The following CPAP variants were observed in gnomAD, a reference collection of about 807,000 sequenced individuals.
The protein encoded by CPAP is centrosome assembly and centriole elongation protein, also known as centrosomal P4.1-associated protein.
the CPAP span, among the ~76,000 whole-genome samples, chr13:24,912,337 A>AT: frequency 6.6e-6 from 1 of 152,216 alleles, no homozygotes; most frequent in East Asian, 1.9e-4. Context: ...ACATCATCCA[A>AT]TTTTTTCCCC....
the CPAP span, chr13:24,912,913 A>G: frequency 6.2e-7 from 1 of 1,614,214 alleles, no homozygotes; most frequent in Non-Finnish European, 8.5e-7. Context: ...GTCTGCTTCC[A>G]AAATAGGAAA....
chr13:24,921,714 G>A, the CPAP span, among the ~76,000 whole-genome samples: 1 of 151,742 alleles, frequency 6.6e-6, no homozygotes, highest in South Asian at 2.1e-4. Context: ...TCAGAAGGGA[G>A]ACAAACTACA....
chr13:24,902,761 A>T, the CPAP span, among the ~76,000 whole-genome samples: 1 of 152,222 alleles, frequency 6.6e-6, no homozygotes, highest in African/African-American at 2.4e-5. Context: ...CACTAACGAA[A>T]GACTTGCAGC....
At chr13:24,933,376 A>T in the CPAP span, 7 of 383,854 alleles carry the variant, frequency 1.8e-5, no homozygotes, top group Non-Finnish European at 2.9e-5. Context: ...CCAGTGAGGC[A>T]GGATATTACT....
At chr13:24,885,249 T>C in the CPAP span, 27 of 1,394,552 alleles carry the variant, frequency 1.9e-5, no homozygotes, top group South Asian at 2.9e-4. Context: ...TTTTATAGAA[T>C]TCATTATTTC....
At chr13:24,889,260 A>G in the CPAP span, 1 of 1,184,180 alleles carries the variant, frequency 8.4e-7, no homozygotes, top group Non-Finnish European at 1.3e-6. Context: ...TTGGGTATAA[A>G]TTGTTTATTC....
chr13:24,923,803 T>C, the CPAP span, among the ~76,000 whole-genome samples: 1 of 152,292 alleles, frequency 6.6e-6, no homozygotes, highest in African/African-American at 2.4e-5. Flanking sequence ...TCGGTTTTGC[T>C]TCTTTTTTCA....
the CPAP span, chr13:24,882,502 G>A: frequency 2.0e-5 from 3 of 152,112 alleles, no homozygotes; most frequent in Non-Finnish European, 4.4e-5. Flanking sequence ...GGTAACATCA[G>A]GGTAGCTGTG....
chr13:24,905,759 T>A, the CPAP span: 1 of 1,614,190 alleles, frequency 6.2e-7, no homozygotes, highest in Non-Finnish European at 8.5e-7. Context: ...GTAATCTTTA[T>A]CAGACAAATC....
At chr13:24,914,212 G>A in the CPAP span, among the ~76,000 whole-genome samples, 2 of 152,166 alleles carry the variant, frequency 1.3e-5, no homozygotes, top group Non-Finnish European at 2.9e-5. Context: ...GGTACAAGTT[G>A]TGCAGCTATC....
At chr13:24,930,988 T>A in the CPAP span, among the ~76,000 whole-genome samples, 1 of 152,216 alleles carries the variant, frequency 6.6e-6, no homozygotes. Flanking sequence ...GTTCCTTGAC[T>A]TTTTAATAAT....
chr13:24,885,300 T>C, the CPAP span: 1 of 1,610,630 alleles, frequency 6.2e-7, no homozygotes, highest in Non-Finnish European at 8.5e-7. Flanking sequence ...GACTGATTTC[T>C]CCCTGTATGT....
At chr13:24,930,681 T>TAGG in the CPAP span, among the ~76,000 whole-genome samples, 1 of 152,248 alleles carries the variant, frequency 6.6e-6, no homozygotes, top group Non-Finnish European at 1.5e-5. Context: ...CCATGGTGCA[T>TAGG]ATGTACCACA....
the CPAP span, chr13:24,906,962 T>A: frequency 6.2e-7 from 1 of 1,612,488 alleles, no homozygotes; most frequent in Non-Finnish European, 8.5e-7. Flanking sequence ...TTCTGCTTCC[T>A]AAAATAAAAG....
At chr13:24,894,489 G>T in the CPAP span, among the ~76,000 whole-genome samples, 1 of 152,380 alleles carries the variant, frequency 6.6e-6, no homozygotes, top group East Asian at 1.9e-4. Flanking sequence ...CACAGGGGCC[G>T]TGTCAGTGCC....
chr13:24,917,837 G>A, the CPAP span, among the ~76,000 whole-genome samples: 1 of 152,206 alleles, frequency 6.6e-6, no homozygotes. Flanking sequence ...TGGGGGAAGA[G>A]TAGAAAGGCA....
the CPAP span, chr13:24,910,066 C>A: frequency 6.2e-7 from 1 of 1,612,942 alleles, no homozygotes; most frequent in South Asian, 1.1e-5. Flanking sequence ...TGGCTCTGAT[C>A]ATCAGGCAGT....
chr13:24,927,483 A>G, the CPAP span, among the ~76,000 whole-genome samples: 1 of 152,174 alleles, frequency 6.6e-6, no homozygotes, highest in Non-Finnish European at 1.5e-5. Flanking sequence ...TTTGCAACCT[A>G]TGGGGCCCCT....
At chr13:24,932,649 A>T in the CPAP span, among the ~76,000 whole-genome samples, 1 of 152,378 alleles carries the variant, frequency 6.6e-6, no homozygotes, top group South Asian at 2.1e-4. Flanking sequence ...ACAAAAACCC[A>T]TGTTTCACTA....
Sources: gnomAD v4.1 joint callset for allele counts (sites outside exome capture counted in the v4.1 genomes callset) on GRCh38, gnomAD v4.1.1 for gene constraint, MANE v1.5 for transcripts, NCBI Gene and HGNC (gene_info 2026-07-23, HGNC 2026-07-21) for gene names.